The following STK32B variants were observed in gnomAD, a reference collection of about 807,000 sequenced individuals.
STK32B encodes the protein serine/threonine kinase 32B.
A neutral mutation model predicts 52.6 loss-of-function variants in STK32B; 43 were observed. The ratio of observed to expected loss-of-function variants is 0.82; its 90% CI spans 0.64 to 1.05. The LOEUF (loss-of-function observed/expected upper bound fraction) is 1.05, where lower values mean the gene tolerates loss of function less well. Among genes scored for constraint, STK32B ranks in the 50% least tolerant of loss-of-function variants. The probability of loss-of-function intolerance (pLI) is 0.00; values close to 1 mark genes in which losing one functional copy is unlikely to be tolerated. For synonymous variants in STK32B, 238 were observed against 204.3 expected, an observed-to-expected ratio of 1.17 and a Z score of -1.41; for missense variants, 621 against 534.6, an observed-to-expected ratio of 1.16 and a Z score of -1.59.
intron 3 of STK32B, among the ~76,000 whole-genome samples, chr4:5,315,682 C>CTTTTTTTT (rs199584251): frequency 8.3e-6 from 1 of 120,492 alleles, no homozygotes; most frequent in African/African-American, 2.9e-5. Context: ...TTTTCTTTTT[C>CTTTTTTTT]TTTTTTTTTT....
chr4:5,166,126 A>G (rs977804010), intron 2 of STK32B, among the ~76,000 whole-genome samples: 3 of 152,080 alleles, frequency 2.0e-5, no homozygotes, highest in African/African-American at 7.2e-5. Context: ...AGTGGGGTCA[A>G]TTTCCAACAG....
chr4:5,287,585 C>T (rs1348230232), intron 3 of STK32B, among the ~76,000 whole-genome samples: 1 of 152,088 alleles, frequency 6.6e-6, no homozygotes, highest in African/African-American at 2.4e-5. Context: ...TGAAACCAAG[C>T]CAACTAGTGT....
chr4:5,191,678 A>T (rs1161026854), intron 3 of STK32B, among the ~76,000 whole-genome samples: 3 of 152,166 alleles, frequency 2.0e-5, no homozygotes, highest in Admixed American at 2.0e-4. Context: ...CGAGTCTGAA[A>T]GTTGACCACC....
Position 5,316,659 on chromosome 4 carries a change from AAT to A in STK32B, c.261-14554_261-14553del, listed in dbSNP as rs1393703031. Among the ~76,000 whole-genome samples, 6 of 10,482 alleles carry A rather than the reference AAT, an allele frequency of 5.7e-4. 1 individual carries two copies. The Admixed American group carries it at 5.7e-3, about 10-fold the overall frequency. 6.9% of individuals were successfully genotyped at this position (10,482 alleles called of 152,430 possible). On this transcript the variant is annotated intron_variant, in intron 3 of 11. Transcript: ENST00000282908. ...ATAATATATTATATATATAATATAT[AAT>A]ATATATTATATATATAATATAATAT...
At chr4:5,123,684 C>T (rs1052506493) in intron 1 of STK32B, among the ~76,000 whole-genome samples, 8 of 152,108 alleles carry the variant, frequency 5.3e-5, no homozygotes, top group African/African-American at 1.9e-4. Flanking sequence ...TACAAGGACT[C>T]CAGTCATATT....
At chr4:5,189,311 C>G (rs888603298) in intron 3 of STK32B, among the ~76,000 whole-genome samples, 2 of 152,228 alleles carry the variant, frequency 1.3e-5, no homozygotes, top group African/African-American at 4.8e-5. Flanking sequence ...TCCACTGATT[C>G]ATCCCTCGTT....
chr4:5,429,098 G>A (rs1229408997), intron 6 of STK32B, among the ~76,000 whole-genome samples: 1 of 152,212 alleles, frequency 6.6e-6, no homozygotes, highest in African/African-American at 2.4e-5. Flanking sequence ...GGGAAGAGAT[G>A]CTAACAGTAT....
intron 6 of STK32B, among the ~76,000 whole-genome samples, chr4:5,424,494 C>T (rs1302440214): frequency 2.0e-5 from 3 of 152,168 alleles, no homozygotes; most frequent in Admixed American, 6.5e-5. Flanking sequence ...CCATAAAAAC[C>T]CCAAACTGAG....
intron 3 of STK32B, among the ~76,000 whole-genome samples, chr4:5,271,232 C>A (rs1446683169): frequency 2.0e-5 from 3 of 152,152 alleles, no homozygotes; most frequent in African/African-American, 4.8e-5. Context: ...TCACTGTGCC[C>A]AGCCTGAGTT....
At chr4:5,206,296 A>G (rs1022214327) in intron 3 of STK32B, among the ~76,000 whole-genome samples, 2 of 152,206 alleles carry the variant, frequency 1.3e-5, no homozygotes, top group African/African-American at 2.4e-5. Flanking sequence ...CCACAGTAGG[A>G]TGGTCCTAGG....
chr4:5,128,081 A>G (rs1335441818), intron 1 of STK32B, among the ~76,000 whole-genome samples: 1 of 152,202 alleles, frequency 6.6e-6, no homozygotes, highest in African/African-American at 2.4e-5. Context: ...GTTTATTAGC[A>G]GCGTGAAAAC....
chr4:5,442,433 C>T (rs1421853950), intron 6 of STK32B, among the ~76,000 whole-genome samples: 6 of 151,520 alleles, frequency 4.0e-5, no homozygotes, highest in African/African-American at 1.2e-4. Flanking sequence ...CAACCCCTGC[C>T]TTTTTTTGTT....
intron 1 of STK32B, among the ~76,000 whole-genome samples, chr4:5,081,929 A>C (rs772389843): frequency 6.6e-5 from 10 of 152,170 alleles, no homozygotes; most frequent in Non-Finnish European, 1.3e-4. Flanking sequence ...CTTTGGAAGA[A>C]TTGTGTTTTC....
rs531714887 is a variant in STK32B, at chr4:5,480,481, T to A, written c.1106+12411T>A. ...GGGAGCTTTCAGGCTATAGGTAAAT[T>A]TAAACATTTTCTGGTTAACAATTAG... On this transcript the variant is annotated intron_variant, in intron 11 of 11. Transcript: ENST00000282908. Among the ~76,000 whole-genome samples the A allele has an allele frequency of 1.6e-4, 25 of 152,300 alleles. 1 individual carries two copies. The East Asian group carries it at 2.3e-3, about 14-fold the overall frequency.
At chr4:5,062,478 C>T (rs1202814080) in intron 1 of STK32B, among the ~76,000 whole-genome samples, 1 of 152,178 alleles carries the variant, frequency 6.6e-6, no homozygotes, top group Admixed American at 6.5e-5. Flanking sequence ...TTTCGAACTC[C>T]TAAACATTAC....
intron 3 of STK32B, among the ~76,000 whole-genome samples, chr4:5,192,363 C>T (rs920082829): frequency 6.6e-6 from 1 of 152,134 alleles, no homozygotes; most frequent in Non-Finnish European, 1.5e-5. Context: ...GACTTTTCCA[C>T]CCCAAAGTAA....
chr4:5,314,947 G>C (rs1156299162), intron 3 of STK32B, among the ~76,000 whole-genome samples: 1 of 152,102 alleles, frequency 6.6e-6, no homozygotes, highest in East Asian at 1.9e-4. Context: ...CCAAAAGCAT[G>C]TATCATAAAA....
chr4:5,473,226 A>C (rs1236072639), intron 11 of STK32B, among the ~76,000 whole-genome samples: 1 of 152,194 alleles, frequency 6.6e-6, no homozygotes, highest in Non-Finnish European at 1.5e-5. Flanking sequence ...CCCTGGGGTC[A>C]GGTACAGGGA....
At chr4:5,332,071 T>G (rs1732290627) in intron 4 of STK32B, among the ~76,000 whole-genome samples, 1 of 152,238 alleles carries the variant, frequency 6.6e-6, no homozygotes, top group Non-Finnish European at 1.5e-5. Flanking sequence ...GCACTGTGCT[T>G]AGCTGATATC....
Sources: allele counts gnomAD v4.1 joint callset (sites outside exome capture counted in the v4.1 genomes callset), GRCh38; gene constraint gnomAD v4.1.1; transcripts MANE v1.5; gene names NCBI Gene and HGNC (gene_info 2026-07-23, HGNC 2026-07-21).